Variants in CACNG4 observed in about 807,000 individuals in gnomAD.
CACNG4 encodes voltage-dependent calcium channel gamma-4 subunit.
A neutral mutation model predicts 22.9 loss-of-function variants in CACNG4; 8 were observed. That is an observed-to-expected ratio of 0.35 (90% confidence interval 0.21 to 0.63). The LOEUF is 0.63. CACNG4 is among the 30% of genes least tolerant of loss of function. The probability of loss-of-function intolerance (pLI) is 0.72; values close to 1 mark genes in which losing one functional copy is unlikely to be tolerated. For missense variants in CACNG4, 357 were observed against 455.4 expected (o/e 0.78, Z 1.97); for synonymous variants, 188 against 191.9 (o/e 0.98, Z 0.17).
At chr17:67,002,410 G>C (rs2035413636) in intron 1 of CACNG4, among the ~76,000 whole-genome samples, 1 of 152,310 alleles carries the variant, frequency 6.6e-6, no homozygotes, top group African/African-American at 2.4e-5. Context: ...AACCATATCA[G>C]GGAGGTGGTG....
rs761789114 is a variant in CACNG4 at position 67,024,855 on chromosome 17, G to A, written c.305-5G>A. On this transcript the variant is annotated splice_polypyrimidine_tract_variant and splice_region_variant and intron_variant, in intron 2 of 3. Transcript: ENST00000262138. ...CTGCTTTGTGCCCCCCACCTCCCCGGCCAGGCATCGTGCGAGCCTCCAGCG... is the reference window on the plus strand; with the variant it reads ...CTGCTTTGTGCCCCCCACCTCCCCGACCAGGCATCGTGCGAGCCTCCAGCG... 3.9e-6 allele frequency: 6 copies of A among 1,536,878 alleles called. No individual in the cohort carries two copies. Among genetic ancestry groups the A allele is most frequent in the East Asian group, 2.5e-5 (1 of 40,674 alleles).
At chr17:67,023,683 T>C (rs1598124792) in intron 2 of CACNG4, among the ~76,000 whole-genome samples, 1 of 151,954 alleles carries the variant, frequency 6.6e-6, no homozygotes, top group East Asian at 1.9e-4. Flanking sequence ...GAGATTCTCC[T>C]GCCTCAGCTT....
At chr17:66,986,411 G>A (rs1000118250) in intron 1 of CACNG4, among the ~76,000 whole-genome samples, 1 of 152,176 alleles carries the variant, frequency 6.6e-6, no homozygotes, top group East Asian at 1.9e-4. Flanking sequence ...ATTCCAGCCC[G>A]GGGGGATGAG....
chr17:66,984,183 A>AG lies in CACNG4; in HGVS notation c.220+19053dup, dbSNP rs201867212. On this transcript the variant is annotated intron_variant, in intron 1 of 3. Coordinates refer to ENST00000262138, the MANE Select transcript of CACNG4 (RefSeq NM_014405.4). This position sits in a 1 kb window ranked among gnomAD's most constrained non-coding sequence, Gnocchi z 4.0. ...CACTAGAGGCCAGGAGTTCAAGACCAGTTTGGCAACATAATGAGACCCCGT... is the reference window on the plus strand; with the variant it reads ...CACTAGAGGCCAGGAGTTCAAGACCAGGTTTGGCAACATAATGAGACCCCGT... Among the ~76,000 whole-genome samples the AG allele has an allele frequency of 0.091, 13,886 of 152,204 alleles. 1,107 individuals are homozygous for AG. Among genetic ancestry groups the AG allele is most frequent in the African/African-American group, 0.22 (9,126 of 41,470 alleles).
chr17:67,014,576 C>G lies in CACNG4; in HGVS notation c.221-3613C>G, dbSNP rs539307797. Among the ~76,000 whole-genome samples the G allele has an allele frequency of 9.9e-5, 15 of 152,188 alleles. No individual in the cohort carries two copies. In the South Asian group the frequency reaches 3.1e-3, roughly 32 times the overall value. On this transcript the variant is annotated intron_variant, in intron 1 of 3. Transcript: ENST00000262138. The stretch of plus-strand genomic sequence containing the variant: ...TGGGTTTGGTGGTGGAGCTGTGCCT[C>G]CAGGCACCAAGAGTTGGGAACAAGC...
chr17:67,015,955 CG>C (rs2035494703), intron 1 of CACNG4, among the ~76,000 whole-genome samples: 2 of 152,270 alleles, frequency 1.3e-5, no homozygotes, highest in South Asian at 4.1e-4. Context: ...GGGATGTAGC[CG>C]GCCCACTCTG....
At chr17:66,998,042 C>T (rs1363193184) in intron 1 of CACNG4, among the ~76,000 whole-genome samples, 2 of 152,188 alleles carry the variant, frequency 1.3e-5, no homozygotes, top group African/African-American at 4.8e-5. Context: ...GTGAGAAGAA[C>T]TGCAAAGCTC....
At chr17:67,007,967 T>C (rs6504483) in intron 1 of CACNG4, among the ~76,000 whole-genome samples, 63,668 of 151,912 alleles carry the variant, frequency 0.42, 16,652 homozygotes, top group African/African-American at 0.73. Context: ...GTCACTTCAG[T>C]TCACATTCCA....
At chr17:66,992,930 AC>A (rs2035350052) in intron 1 of CACNG4, among the ~76,000 whole-genome samples, 1 of 152,244 alleles carries the variant, frequency 6.6e-6, no homozygotes, top group African/African-American at 2.4e-5. Context: ...TAGAACCATC[AC>A]CCAAGTGGGA....
intron 1 of CACNG4, among the ~76,000 whole-genome samples, chr17:66,967,928 G>GGGC (rs1465073672): frequency 4.6e-5 from 7 of 152,296 alleles, no homozygotes; most frequent in Admixed American, 3.9e-4. Flanking sequence ...CAGCTTCACA[G>GGGC]GGCTGACCTT....
At chr17:67,017,737 C>T (rs760407260) in intron 1 of CACNG4, among the ~76,000 whole-genome samples, 1 of 151,842 alleles carries the variant, frequency 6.6e-6, no homozygotes, top group Admixed American at 6.6e-5. Context: ...AGGATGGTCT[C>T]GATCTTCTGA....
rs1398799699 is a variant in CACNG4, at chr17:67,004,286, G to T, written c.221-13903G>T. Among the ~76,000 whole-genome samples, 2 of 152,186 alleles carry T rather than the reference G, an allele frequency of 1.3e-5. 1 individual carries two copies. The highest frequency in any genetic ancestry group is 2.9e-5 in the Non-Finnish European group (2 of 68,042). ...GGAGAGAAAAGGAGCGGTTGGTTGG[G>T]GAAATCTCTCCGGCTCCGTTTAATT... On this transcript the variant is annotated intron_variant, in intron 1 of 3. Coordinates refer to ENST00000262138, the MANE Select transcript of CACNG4 (RefSeq NM_014405.4).
intron 2 of CACNG4, among the ~76,000 whole-genome samples, chr17:67,020,877 G>A (rs1270184469): frequency 1.3e-5 from 2 of 152,174 alleles, no homozygotes; most frequent in Non-Finnish European, 2.9e-5. Flanking sequence ...CAAGAAGTGA[G>A]GGTTCATGAG....
chr17:67,013,289 G>C (rs1304853050), intron 1 of CACNG4, among the ~76,000 whole-genome samples: 1 of 152,142 alleles, frequency 6.6e-6, no homozygotes, highest in Non-Finnish European at 1.5e-5. Context: ...TGCATCTGCT[G>C]TCATTTCAGA....
intron 1 of CACNG4, among the ~76,000 whole-genome samples, chr17:66,999,477 A>G (rs185072816): frequency 6.6e-6 from 1 of 152,340 alleles, no homozygotes; most frequent in Admixed American, 6.5e-5. Flanking sequence ...ATTAACTCAT[A>G]GTTCCACATG....
chr17:67,022,076 CTTTT>C (rs58541858), intron 2 of CACNG4, among the ~76,000 whole-genome samples: 17 of 137,002 alleles, frequency 1.2e-4, no homozygotes, highest in Admixed American at 2.9e-4. Flanking sequence ...AGCAACTGGG[CTTTT>C]TTTTTTTTTT....
intron 1 of CACNG4, among the ~76,000 whole-genome samples, chr17:66,987,094 G>C (rs150548587): frequency 5.9e-5 from 9 of 152,276 alleles, no homozygotes; most frequent in African/African-American, 1.7e-4. Flanking sequence ...AGGGGAATGG[G>C]ATTGACTGCT....
intron 1 of CACNG4, among the ~76,000 whole-genome samples, chr17:67,004,367 G>A (rs2035425231): frequency 2.0e-5 from 3 of 152,178 alleles, no homozygotes; most frequent in Non-Finnish European, 4.4e-5. Context: ...CAAAGTGTTG[G>A]AGGAGGCGTG....
chr17:66,994,715 A>G (rs954249540), intron 1 of CACNG4, among the ~76,000 whole-genome samples: 3 of 152,218 alleles, frequency 2.0e-5, no homozygotes, highest in African/African-American at 7.2e-5. Flanking sequence ...AGCAGTCCCT[A>G]TCTTCTGGAT....
Sources: gnomAD v4.1 joint callset for allele counts (sites outside exome capture counted in the v4.1 genomes callset) on GRCh38, gnomAD v4.1.1 for gene constraint, Gnocchi (gnomAD v3.1) non-coding constraint, MANE v1.5 for transcripts, NCBI Gene and HGNC (gene_info 2026-07-23, HGNC 2026-07-21) for gene names.